KAZN: variants seen among roughly 807,000 people sequenced by gnomAD.
KAZN encodes the protein kazrin, periplakin interacting protein.
KAZN carries 40 observed loss-of-function variants against 87.4 expected under a neutral mutation model. The ratio of observed to expected loss-of-function variants is 0.46; its 90% confidence interval spans 0.36 to 0.60. The LOEUF is 0.60. Ranked by LOEUF, KAZN falls within the 20% of genes least tolerant of loss-of-function variation. The probability of loss-of-function intolerance (pLI) is 0.00; values close to 1 mark genes in which losing one functional copy is unlikely to be tolerated. For synonymous variants in KAZN, 466 were observed against 458.3 expected (o/e 1.02, Z -0.22); for missense variants, 898 against 1,073.9 (o/e 0.84, Z 2.29).
intron 1 of KAZN, among the ~76,000 whole-genome samples, chr1:14,636,540 TG>T (rs1455376159): frequency 6.6e-6 from 1 of 152,184 alleles, no homozygotes. Flanking sequence ...GAACACTCAC[TG>T]GGTCCCAGCA....
chr1:14,452,379 A>G (rs1024024935), intron 2 of KAZN, among the ~76,000 whole-genome samples: 2 of 152,214 alleles, frequency 1.3e-5, no homozygotes, highest in African/African-American at 4.8e-5. Context: ...GCATCTCATT[A>G]CACATCTAGT....
At chr1:14,067,373 C>T (rs1413856354) in intron 1 of KAZN, among the ~76,000 whole-genome samples, 2 of 152,172 alleles carry the variant, frequency 1.3e-5, no homozygotes, top group African/African-American at 2.4e-5. Context: ...TGTTTCAGCG[C>T]ACTGCTGGAG....
At chr1:15,055,380 G>A (rs1674843169) in intron 4 of KAZN, among the ~76,000 whole-genome samples, 1 of 152,180 alleles carries the variant, frequency 6.6e-6, no homozygotes, top group African/African-American at 2.4e-5. Context: ...GTGAGGTTGA[G>A]GCAGGAGAAT....
At chr1:13,966,597 G>C (rs913756410) in intron 1 of KAZN, among the ~76,000 whole-genome samples, 47 of 152,160 alleles carry the variant, frequency 3.1e-4, no homozygotes, top group Admixed American at 3.1e-3. Flanking sequence ...CTGAACTCAG[G>C]AGGACCCAGG....
At position 13,936,096 on chromosome 1, in the gene KAZN, G is replaced by GTTTTTTTTTTTTTTTTTT. The variant is rs70984301; in HGVS notation, c.91+42355_91+42356insTTTTTTTTTTTTTTTTTT. ...TATAGATTTAGGTGGTACAAGTGCA[G>GTTTTTTTTTTTTTTTTTT]TTTTTTTTTTTTTTTGAGACAGAGT... is the stretch of plus-strand genomic sequence containing the variant. On this transcript the variant is annotated intron_variant, in intron 1 of 16. Coordinates refer to the KAZN transcript ENST00000636203. Among the ~76,000 whole-genome samples the GTTTTTTTTTTTTTTTTTT allele has an allele frequency of 2.0e-3, 171 of 84,830 alleles. 36 individuals are homozygous for GTTTTTTTTTTTTTTTTTT. The highest frequency in any genetic ancestry group is 0.01 in the Middle Eastern group (1 of 96). The allele number at this position is 84,830 out of a possible 152,430, so 55.7% of individuals were successfully genotyped here.
At chr1:14,006,393 C>T (rs1443208747) in intron 1 of KAZN, among the ~76,000 whole-genome samples, 2 of 152,144 alleles carry the variant, frequency 1.3e-5, no homozygotes, top group East Asian at 3.9e-4. Flanking sequence ...TGGCATGTCA[C>T]ATAGTGAGAG....
intron 2 of KAZN, among the ~76,000 whole-genome samples, chr1:14,338,445 A>G (rs919054712): frequency 1.3e-5 from 2 of 150,080 alleles, no homozygotes; most frequent in African/African-American, 4.9e-5. Flanking sequence ...AGATCGTGCC[A>G]CTGCACTCCA....
At chr1:14,602,698 T>C (rs1677074751) in intron 1 of KAZN, among the ~76,000 whole-genome samples, 1 of 152,194 alleles carries the variant, frequency 6.6e-6, no homozygotes, top group African/African-American at 2.4e-5. Context: ...TTAGATTCAG[T>C]TGGTTGCTTT....
intron 1 of KAZN, among the ~76,000 whole-genome samples, chr1:14,798,852 C>G (rs1645916016): frequency 1.3e-5 from 2 of 151,918 alleles, no homozygotes; most frequent in Admixed American, 6.6e-5. Context: ...CCTCTGCCTC[C>G]CGGGCTCAAG....
chr1:15,102,585 A>T (rs998768736), intron 11 of KAZN, among the ~76,000 whole-genome samples: 4 of 152,152 alleles, frequency 2.6e-5, no homozygotes, highest in Non-Finnish European at 4.4e-5. Context: ...AGAACCCAAC[A>T]ATTCAGGGTC....
At chr1:14,175,849 G>A (rs868208045) in intron 1 of KAZN, among the ~76,000 whole-genome samples, 2 of 152,126 alleles carry the variant, frequency 1.3e-5, no homozygotes, top group African/African-American at 4.8e-5. Flanking sequence ...TTGGGGAAGG[G>A]AAGGCAGGAT....
At chr1:14,603,189 C>A (rs1363803549) in intron 1 of KAZN, among the ~76,000 whole-genome samples, 1 of 152,238 alleles carries the variant, frequency 6.6e-6, no homozygotes, top group African/African-American at 2.4e-5. Flanking sequence ...CTTCTCAATT[C>A]ATTCTGCCTC....
intron 1 of KAZN, among the ~76,000 whole-genome samples, chr1:14,175,302 A>T (rs1460062516): frequency 6.6e-6 from 1 of 152,036 alleles, no homozygotes; most frequent in Non-Finnish European, 1.5e-5. Flanking sequence ...ACAGGGTTTC[A>T]CCGTGTTAGC....
intron 2 of KAZN, among the ~76,000 whole-genome samples, chr1:14,262,387 T>C (rs1651118329): frequency 6.6e-6 from 1 of 152,222 alleles, no homozygotes; most frequent in African/African-American, 2.4e-5. Flanking sequence ...GTGGAAACTT[T>C]TAAAAGCCGT....
At chr1:14,877,491 C>T (rs1652898515) in intron 1 of KAZN, among the ~76,000 whole-genome samples, 1 of 152,114 alleles carries the variant, frequency 6.6e-6, no homozygotes, top group African/African-American at 2.4e-5. Flanking sequence ...CCAACCCAAC[C>T]CAGGAGTTGG....
intron 1 of KAZN, among the ~76,000 whole-genome samples, chr1:14,904,034 G>A (rs967892035): frequency 1.3e-5 from 2 of 152,118 alleles, no homozygotes; most frequent in African/African-American, 4.8e-5. Flanking sequence ...TAGACCAGGG[G>A]ACGTTCACTG....
At chr1:15,031,792 G>A (rs78052382) in intron 2 of KAZN, among the ~76,000 whole-genome samples, 2,236 of 152,118 alleles carry the variant, frequency 0.015, 39 homozygotes, top group South Asian at 0.064. Flanking sequence ...ATTATTTTTT[G>A]TAAAGATGAG....
chr1:14,221,295 G>A (rs1571056619), intron 2 of KAZN, among the ~76,000 whole-genome samples: 1 of 152,222 alleles, frequency 6.6e-6, no homozygotes, highest in Non-Finnish European at 1.5e-5. Flanking sequence ...TATAAGCATT[G>A]TGCTAGAGGT....
At chr1:14,413,272 C>T (rs906857294) in intron 2 of KAZN, among the ~76,000 whole-genome samples, 1 of 151,642 alleles carries the variant, frequency 6.6e-6, no homozygotes, top group African/African-American at 2.4e-5. Flanking sequence ...AGACCTTTAC[C>T]TCAATACAGA....
Sources: gnomAD v4.1 joint callset for allele counts (sites outside exome capture counted in the v4.1 genomes callset) on GRCh38, gnomAD v4.1.1 for gene constraint, MANE v1.5 for transcripts, NCBI Gene and HGNC (gene_info 2026-07-23, HGNC 2026-07-21) for gene names.